DIP2B: variants seen among roughly 807,000 people sequenced by gnomAD.
DIP2B encodes the protein disco-interacting protein 2 homolog B.
Under a neutral mutation model 198.0 loss-of-function variants are expected in DIP2B, and 76 were observed. The ratio of observed to expected loss-of-function variants is 0.38; its 90% CI spans 0.32 to 0.46. The LOEUF is 0.46. Among genes scored for constraint, DIP2B ranks in the 20% least tolerant of loss-of-function variants. The pLI is 0.99. For synonymous variants in DIP2B, 701 were observed against 739.1 expected, an observed-to-expected ratio of 0.95 and a Z score of 0.84; for missense variants, 1,559 against 1,978.4, an observed-to-expected ratio of 0.79 and a Z score of 4.02.
At chr12:50,715,433 G>A (rs956200353) in intron 23 of DIP2B, among the ~76,000 whole-genome samples, 2 of 152,126 alleles carry the variant, frequency 1.3e-5, no homozygotes, top group African/African-American at 4.8e-5. Flanking sequence ...TTTTTTTCAA[G>A]GCAGATGGCA....
intron 3 of DIP2B, among the ~76,000 whole-genome samples, chr12:50,653,085 G>T (rs1280602223): frequency 6.6e-6 from 1 of 151,800 alleles, no homozygotes; most frequent in African/African-American, 2.4e-5. Flanking sequence ...GTTTGAGAAA[G>T]ATTTACATTA....
chr12:50,607,085 G>T (rs1179612075), intron 1 of DIP2B, among the ~76,000 whole-genome samples: 1 of 151,658 alleles, frequency 6.6e-6, no homozygotes, highest in Non-Finnish European at 1.5e-5. Context: ...GGGACTACAG[G>T]CATGGGCCAT....
At chr12:50,712,244 A>AT (rs1467641690) in intron 22 of DIP2B, among the ~76,000 whole-genome samples, 2 of 152,076 alleles carry the variant, frequency 1.3e-5, no homozygotes, top group Non-Finnish European at 2.9e-5. Context: ...TACTTCTAAG[A>AT]TTGTATCTCT....
intron 3 of DIP2B, among the ~76,000 whole-genome samples, chr12:50,642,102 G>A (rs1938266495): frequency 1.3e-5 from 2 of 151,990 alleles, no homozygotes; most frequent in Admixed American, 6.6e-5. Flanking sequence ...CACAGAAGGA[G>A]AAAAGGATGA....
At chr12:50,540,110 A>AT (rs71083594) in intron 1 of DIP2B, among the ~76,000 whole-genome samples, 22,158 of 62,132 alleles carry the variant, frequency 0.36, 3,649 homozygotes, top group East Asian at 0.44. Flanking sequence ...AGCTATGAAC[A>AT]TTTTTTTTTT....
chr12:50,695,114 C>A (rs906814399), intron 14 of DIP2B, among the ~76,000 whole-genome samples, 153 bp from the exon 15 acceptor site: 1 of 152,056 alleles, frequency 6.6e-6, no homozygotes, highest in Non-Finnish European at 1.5e-5. Flanking sequence ...AAAGGAACTT[C>A]AATCTTATAT....
intron 1 of DIP2B, among the ~76,000 whole-genome samples, chr12:50,511,835 C>G (rs1273346601): frequency 3.3e-5 from 5 of 150,322 alleles, no homozygotes; most frequent in Non-Finnish European, 7.4e-5. Flanking sequence ...GTAGTCCCAG[C>G]TACTCGGGAA....
intron 1 of DIP2B, among the ~76,000 whole-genome samples, chr12:50,592,067 G>A (rs1428557713): frequency 5.9e-5 from 9 of 151,588 alleles, no homozygotes; most frequent in East Asian, 2.0e-4. Flanking sequence ...TAGTAGAGAC[G>A]GGGGTCTCAC....
At chr12:50,528,278 C>A (rs780739801) in intron 1 of DIP2B, among the ~76,000 whole-genome samples, 7 of 150,654 alleles carry the variant, frequency 4.6e-5, no homozygotes, top group Non-Finnish European at 1.0e-4. Flanking sequence ...TGTCCTCATC[C>A]ATAAAATGAA....
Position 50,621,081 on chromosome 12 carries a change from G to A in DIP2B, c.101-4895G>A, listed in dbSNP as rs79385328. On this transcript the variant is annotated intron_variant, in intron 1 of 37. Transcript: ENST00000301180. ...TTCCTTGGGAGAATCTTAAAAATTG[G>A]ACAAGGTTGAAAAACATTGCTTTAG... 5.2e-3 allele frequency among the ~76,000 whole-genome samples: 789 copies of A among 152,324 alleles called. 1 individual carries two copies. The highest frequency in any genetic ancestry group is 0.018 in the African/African-American group (762 of 41,568).
At chr12:50,726,551 A>G (rs1215148561) in intron 28 of DIP2B, among the ~76,000 whole-genome samples, 1 of 151,794 alleles carries the variant, frequency 6.6e-6, no homozygotes, top group Non-Finnish European at 1.5e-5. Context: ...GGGTTTTGCC[A>G]TGTTGGCCAG....
intron 22 of DIP2B, among the ~76,000 whole-genome samples, chr12:50,713,128 T>C (rs1310803038): frequency 6.6e-6 from 1 of 152,152 alleles, no homozygotes; most frequent in East Asian, 1.9e-4. Context: ...AAAATTAAAA[T>C]ATAGAGATGG....
chr12:50,683,231 G>C lies in DIP2B; in HGVS notation c.1300G>C (p.Val434Leu). ...AGAAGTGATTCCAGTGCCTATAGAG[G>C]TACCTCTTACCAGAAAGGTAACATT... ...LAEVIPVPIEVPLTRKDAGGQ... is the reference protein window; with the variant it reads ...LAEVIPVPIELPLTRKDAGGQ... The change falls in exon 10 of 38, where the codon GTA (valine) becomes CTA (leucine). Residue 434 changes from valine to leucine, a missense_variant. Val to Leu is a conservative substitution (Grantham distance 32). Coordinates refer to ENST00000301180, the MANE Select transcript of DIP2B (RefSeq NM_173602.3). The C allele has an allele frequency of 6.2e-7, 1 of 1,610,732 alleles. No individual in the cohort carries two copies.
chr12:50,528,347 A>C (rs1958186491), intron 1 of DIP2B, among the ~76,000 whole-genome samples: 1 of 151,610 alleles, frequency 6.6e-6, no homozygotes, highest in African/African-American at 2.4e-5. Flanking sequence ...TTACTATATA[A>C]AAGTATACTT....
At chr12:50,600,837 A>G (rs1958927958) in intron 1 of DIP2B, among the ~76,000 whole-genome samples, 1 of 151,740 alleles carries the variant, frequency 6.6e-6, no homozygotes, top group Non-Finnish European at 1.5e-5. Context: ...CCTCTTCCCA[A>G]GATATCTGTA....
chr12:50,589,751 C>T (rs777546202), intron 1 of DIP2B, among the ~76,000 whole-genome samples: 1 of 151,750 alleles, frequency 6.6e-6, no homozygotes, highest in African/African-American at 2.4e-5. Context: ...CTCTTGGGGG[C>T]CAGAGGGTGT....
At chr12:50,596,760 A>T (rs1958881804) in intron 1 of DIP2B, among the ~76,000 whole-genome samples, 1 of 152,154 alleles carries the variant, frequency 6.6e-6, no homozygotes, top group Non-Finnish European at 1.5e-5. Context: ...AAATAAACAG[A>T]TGAAAAAAAT....
chr12:50,724,687 ATGAGTGGCT>A, intron 27 of DIP2B, 79 bp from the exon 28 acceptor site: 1 of 1,078,628 alleles, frequency 9.3e-7, no homozygotes. Context: ...AGTGTGGTAC[ATGAGTGGCT>A]TTTAGCAGCA....
chr12:50,623,017 G>A (rs1034938036), intron 1 of DIP2B, among the ~76,000 whole-genome samples: 3 of 151,714 alleles, frequency 2.0e-5, no homozygotes, highest in South Asian at 2.1e-4. Context: ...CCTATGGACC[G>A]TTCGTTCTTA....
Sources: gnomAD v4.1 joint callset for allele counts (sites outside exome capture counted in the v4.1 genomes callset) on GRCh38, gnomAD v4.1.1 for gene constraint, MANE v1.5 for transcripts, NCBI Gene and HGNC (gene_info 2026-07-23, HGNC 2026-07-21) for gene names.